The following PCNX2 variants were observed in gnomAD, a reference collection of about 807,000 sequenced individuals.
PCNX2 encodes pecanex-like protein 2.
A neutral mutation model predicts 223.8 loss-of-function variants in PCNX2; 168 were observed. That is an observed-to-expected ratio of 0.75 (90% CI 0.66 to 0.85). The LOEUF is 0.85. Ranked by LOEUF, PCNX2 falls within the 40% of genes least tolerant of loss-of-function variation. The probability of loss-of-function intolerance (pLI) is 0.00; values close to 1 mark genes in which losing one functional copy is unlikely to be tolerated. For synonymous variants in PCNX2, 1,006 were observed against 1,052.6 expected (o/e 0.96, Z 0.86); for missense variants, 2,507 against 2,675.5 (o/e 0.94, Z 1.39).
Position 233,250,833 on chromosome 1 carries a change from C to A in PCNX2, c.2129-1G>T. 6.3e-7 allele frequency: 1 copy of A among 1,578,752 alleles called. No individual in the cohort carries two copies. Among genetic ancestry groups the A allele is most frequent in the East Asian group, 2.3e-5 (1 of 43,660 alleles). Reference sequence around the variant, plus strand: ...TTTAAATAACAGGATCTAATTTCCCCTGTAAAATCAGAAAATTTCAGCAAA... The same window carrying A: ...TTTAAATAACAGGATCTAATTTCCCATGTAAAATCAGAAAATTTCAGCAAA... On this transcript the variant is annotated splice_acceptor_variant, in intron 7 of 33. Coordinates refer to ENST00000258229, the MANE Select transcript of PCNX2 (RefSeq NM_014801.4). LOFTEE classifies it high-confidence loss of function.
chr1:233,312,007 G>T, the PCNX2 span, among the ~76,000 whole-genome samples: 3 of 152,094 alleles, frequency 2.0e-5, no homozygotes, highest in East Asian at 5.8e-4. Flanking sequence ...GGCGCCTATA[G>T]TCCCAGCTAC....
At chr1:233,229,582 G>A (rs1364017163) in intron 9 of PCNX2, among the ~76,000 whole-genome samples, 1 of 152,168 alleles carries the variant, frequency 6.6e-6, no homozygotes, top group African/African-American at 2.4e-5. Flanking sequence ...ATCCATGTAT[G>A]AGGCATAAAC....
At chr1:232,997,722 A>G (rs557004897) in intron 32 of PCNX2, among the ~76,000 whole-genome samples, 1 of 152,360 alleles carries the variant, frequency 6.6e-6, no homozygotes, top group African/African-American at 2.4e-5. Context: ...AGACTCAGCC[A>G]GGCTTGGTTG....
chr1:233,173,246 A>C (rs1380671345), intron 17 of PCNX2, among the ~76,000 whole-genome samples: 6 of 151,584 alleles, frequency 4.0e-5, no homozygotes, highest in African/African-American at 1.5e-4. Flanking sequence ...ATCTCGCTGC[A>C]ACCTCCACCT....
At chr1:233,270,659 C>A (rs1339498028) in intron 1 of PCNX2, among the ~76,000 whole-genome samples, 1 of 152,186 alleles carries the variant, frequency 6.6e-6, no homozygotes, top group East Asian at 1.9e-4. Flanking sequence ...GAATAGAACA[C>A]TTTGTCTTAG....
chr1:233,013,134 G>C (rs1352987131), intron 28 of PCNX2, among the ~76,000 whole-genome samples: 2 of 152,168 alleles, frequency 1.3e-5, no homozygotes, highest in South Asian at 2.1e-4. Flanking sequence ...GAGACCAGAG[G>C]CCAGCCAGCT....
At position 233,295,598 on chromosome 1, in the gene PCNX2, G is replaced by T; in HGVS notation, c.-120C>A. On this transcript the variant is annotated 5_prime_UTR_variant, in exon 1 of 34. Transcript: ENST00000258229. This position sits in a 1 kb window ranked among gnomAD's most constrained non-coding sequence, Gnocchi z 4.1. ...GGGCCGCGCCCCCGCCGTCGCCGCC[G>T]CCGTCGCCCCCGCCGCCTCCTTCCA... The T allele has an allele frequency of 2.7e-6, 3 of 1,101,690 alleles. No homozygotes were observed. The highest frequency in any genetic ancestry group is 3.5e-6 in the Non-Finnish European group (3 of 858,344). The allele number at this position is 1,101,690 out of a possible 1,614,324, so 68.2% of individuals were successfully genotyped here.
intron 10 of PCNX2, among the ~76,000 whole-genome samples, chr1:233,220,901 ATGAT>A (rs1216185224): frequency 6.6e-6 from 1 of 152,206 alleles, no homozygotes; most frequent in East Asian, 1.9e-4. Flanking sequence ...AGCTATAGAG[ATGAT>A]TGATTGATAG....
chr1:233,167,628 T>C (rs561847880), intron 17 of PCNX2: 122 of 646,966 alleles, frequency 1.9e-4, no homozygotes, highest in African/African-American at 7.9e-4. Context: ...TACTTCACTA[T>C]AGTAACCATT....
Position 233,263,222 on chromosome 1 carries a change from A to C in PCNX2, c.154-59T>G, listed in dbSNP as rs542583854. ...GCTTTTAAGATTTTCTTTCTGTTTT[A>C]AATCTGGAAGCATTTTTAGACTATC... On this transcript the variant is annotated intron_variant, in intron 1 of 33. Coordinates refer to ENST00000258229, the MANE Select transcript of PCNX2 (RefSeq NM_014801.4). 2.3e-5 allele frequency: 32 copies of C among 1,393,072 alleles called. No individual in the cohort carries two copies. The East Asian group carries it at 7.6e-4, about 33-fold the overall frequency. 86.3% of individuals were successfully genotyped at this position (1,393,072 alleles called of 1,614,324 possible).
intron 23 of PCNX2, chr1:233,057,860 A>AC (rs386369980): frequency 1.0e-6 from 1 of 984,994 alleles, no homozygotes; most frequent in African/African-American, 1.7e-5. Flanking sequence ...ACTCAAAAAA[A>AC]AAAAAGCAAG....
chr1:233,279,023 G>A (rs995153899), intron 1 of PCNX2, among the ~76,000 whole-genome samples: 1 of 151,598 alleles, frequency 6.6e-6, no homozygotes, highest in Non-Finnish European at 1.5e-5. Flanking sequence ...TCATTTTCTT[G>A]CCCAGACCTG....
At chr1:233,252,106 G>A (rs898023857) in intron 7 of PCNX2, among the ~76,000 whole-genome samples, 2 of 152,212 alleles carry the variant, frequency 1.3e-5, no homozygotes, top group African/African-American at 2.4e-5. Context: ...TTCAGGAGAG[G>A]TGTCCCTGAA....
chr1:233,319,964 T>C, the PCNX2 span, among the ~76,000 whole-genome samples: 10 of 152,320 alleles, frequency 6.6e-5, no homozygotes, highest in East Asian at 1.9e-3. Context: ...TATTGTTTCA[T>C]ATGTTTATAA....
intron 32 of PCNX2, among the ~76,000 whole-genome samples, chr1:232,992,015 C>T (rs566049942): frequency 7.2e-5 from 11 of 152,250 alleles, no homozygotes; most frequent in East Asian, 3.9e-4. Flanking sequence ...TGGAGATTTA[C>T]GATTTTGTGT....
At chr1:233,104,313 A>C (rs1674648065) in intron 21 of PCNX2, among the ~76,000 whole-genome samples, 1 of 152,160 alleles carries the variant, frequency 6.6e-6, no homozygotes, top group African/African-American at 2.4e-5. Flanking sequence ...GTCACCTAAA[A>C]ATTTTAGGCA....
the PCNX2 span, among the ~76,000 whole-genome samples, chr1:233,324,736 G>T: frequency 5.3e-5 from 8 of 151,788 alleles, no homozygotes; most frequent in Non-Finnish European, 8.8e-5. Context: ...GAGTAGCTGG[G>T]ATTACAGGTG....
intron 27 of PCNX2, among the ~76,000 whole-genome samples, chr1:233,015,464 C>T (rs908562151): frequency 2.0e-5 from 3 of 152,098 alleles, no homozygotes; most frequent in Non-Finnish European, 4.4e-5. Context: ...TTTGGGAGGC[C>T]GAGGCGGACA....
intron 10 of PCNX2, among the ~76,000 whole-genome samples, chr1:233,223,937 T>C (rs568847008): frequency 2.0e-5 from 3 of 152,282 alleles, no homozygotes; most frequent in South Asian, 2.1e-4. Context: ...CAACCACCAG[T>C]TCGAACATCA....
Sources: gnomAD v4.1 joint callset for allele counts (sites outside exome capture counted in the v4.1 genomes callset) on GRCh38, gnomAD v4.1.1 for gene constraint, Gnocchi (gnomAD v3.1) non-coding constraint, MANE v1.5 for transcripts, NCBI Gene and HGNC (gene_info 2026-07-23, HGNC 2026-07-21) for gene names.